ZNF536: variants seen among roughly 807,000 people sequenced by gnomAD.
ZNF536 encodes zinc finger protein 536.
A neutral mutation model predicts 84.5 loss-of-function variants in ZNF536; 13 were observed. That is an observed-to-expected ratio of 0.15 (90% confidence interval 0.10 to 0.24). The LOEUF (loss-of-function observed/expected upper bound fraction) is 0.24, where lower values mean the gene tolerates loss of function less well. ZNF536 is among the 10% of genes least tolerant of loss of function. The pLI is 1.00. For synonymous variants in ZNF536, 811 were observed against 742.5 expected, an observed-to-expected ratio of 1.09 and a Z score of -1.50; for missense variants, 1,536 against 1,747.5, an observed-to-expected ratio of 0.88 and a Z score of 2.16.
chr19:30,456,914 C>T (rs143121786), intron 2 of ZNF536, among the ~76,000 whole-genome samples: 64 of 151,940 alleles, frequency 4.2e-4, no homozygotes, highest in African/African-American at 6.3e-4. Flanking sequence ...TGGTGGTGGG[C>T]GCCTGTAATC....
At position 30,664,206 on chromosome 19, in the gene ZNF536, C is replaced by CTCTCTCTCTT. The variant is rs2050226895; in HGVS notation, c.170-46542_170-46541insTTCTCTCTCT. Among the ~76,000 whole-genome samples, 3 of 4,416 alleles carry CTCTCTCTCTT rather than the reference C, an allele frequency of 6.8e-4. No homozygotes were observed. In the South Asian group the frequency reaches 0.017, roughly 26 times the overall value. 2.9% of individuals were successfully genotyped at this position (4,416 alleles called of 152,430 possible). ...TCTAGAGGAATTCTTGCTGAGTTTT[C>CTCTCTCTCTT]TCTCTCTCTCTCTCTCTCTCTCTCT... On this transcript the variant is annotated intron_variant, in intron 1 of 1. Coordinates refer to the ZNF536 transcript ENST00000592773.
intron 1 of ZNF536, among the ~76,000 whole-genome samples, chr19:30,599,249 C>T (rs1370328079): frequency 1.0e-5 from 1 of 96,242 alleles, no homozygotes; most frequent in African/African-American, 4.3e-5. Context: ...CCTCCCCCAT[C>T]TCCTTTCCTC....
chr19:30,454,176 A>G (rs1174475325), intron 2 of ZNF536, among the ~76,000 whole-genome samples: 1 of 152,240 alleles, frequency 6.6e-6, no homozygotes, highest in Non-Finnish European at 1.5e-5. Context: ...CATTTCACGG[A>G]GAAATCAGTC....
intron 4 of ZNF536, among the ~76,000 whole-genome samples, 161 bp downstream of exon 4, chr19:30,549,675 C>T (rs147598592): frequency 1.8e-3 from 273 of 152,222 alleles, no homozygotes; most frequent in Non-Finnish European, 3.0e-3. Context: ...TCATAAAAGT[C>T]CATTTTGTTT....
intron 2 of ZNF536, among the ~76,000 whole-genome samples, chr19:30,347,332 C>T (rs1379703055): frequency 6.6e-6 from 1 of 152,156 alleles, no homozygotes; most frequent in African/African-American, 2.4e-5. Context: ...CACGAGGGTT[C>T]CTCTGGTCTA....
intron 2 of ZNF536, among the ~76,000 whole-genome samples, chr19:30,450,978 C>T (rs893812327): frequency 6.6e-6 from 1 of 152,244 alleles, no homozygotes; most frequent in African/African-American, 2.4e-5. Context: ...CGGTCTCTGC[C>T]GTGGAAGCGT....
At chr19:30,694,404 C>T (rs912687696) in intron 1 of ZNF536, among the ~76,000 whole-genome samples, 1 of 152,242 alleles carries the variant, frequency 6.6e-6, no homozygotes, top group African/African-American at 2.4e-5. Context: ...CTCACCCAGT[C>T]TCCCTGCCCC....
chr19:30,647,980 A>AG (rs1275753640), intron 1 of ZNF536, among the ~76,000 whole-genome samples: 1 of 152,190 alleles, frequency 6.6e-6, no homozygotes, highest in Non-Finnish European at 1.5e-5. Context: ...AGCTTCAGCC[A>AG]GGAAGCTTGC....
At chr19:30,616,191 C>T (rs1444259013) in intron 1 of ZNF536, among the ~76,000 whole-genome samples, 1 of 152,122 alleles carries the variant, frequency 6.6e-6, no homozygotes, top group Non-Finnish European at 1.5e-5. Context: ...TTTTCCATTG[C>T]AATGACTAAT....
intron 1 of ZNF536, among the ~76,000 whole-genome samples, chr19:30,587,091 C>G (rs145297590): frequency 1.3e-5 from 2 of 152,344 alleles, no homozygotes; most frequent in African/African-American, 4.8e-5. Context: ...TTAAGAGGAG[C>G]TATGATACCT....
chr19:30,596,912 C>A (rs145123498), intron 1 of ZNF536, among the ~76,000 whole-genome samples: 2 of 151,866 alleles, frequency 1.3e-5, no homozygotes, highest in African/African-American at 4.8e-5. Context: ...ACTGGACTAG[C>A]TTCTCTCTCC....
chr19:30,436,421 G>T, intron 1 of ZNF536: 1 of 835,726 alleles, frequency 1.2e-6, no homozygotes, highest in Non-Finnish European at 1.4e-6. Flanking sequence ...TAATGTTTGT[G>T]ATGTAATTTG....
At chr19:30,225,945 G>A (rs2022587153), upstream of ZNF536, among the ~76,000 whole-genome samples, 1 of 138,592 alleles carries the variant, frequency 7.2e-6, no homozygotes, top group Admixed American at 7.1e-5. Flanking sequence ...AGCGGGTGGG[G>A]GGTGGGGGGA....
At chr19:30,645,016 T>C (rs59841075) in intron 1 of ZNF536, among the ~76,000 whole-genome samples, 2,452 of 152,028 alleles carry the variant, frequency 0.016, 61 homozygotes, top group African/African-American at 0.057. Context: ...TCTCCATATC[T>C]TCTCCAGCAC....
intron 1 of ZNF536, among the ~76,000 whole-genome samples, chr19:30,410,315 A>G (rs576518894): frequency 1.2e-4 from 18 of 152,082 alleles, no homozygotes; most frequent in Admixed American, 9.2e-4. Flanking sequence ...CATATTCATA[A>G]TTTTCTATTA....
intron 1 of ZNF536, among the ~76,000 whole-genome samples, chr19:30,375,178 G>C (rs1272766234): frequency 1.3e-5 from 2 of 149,922 alleles, no homozygotes; most frequent in Non-Finnish European, 3.0e-5. Context: ...CGAGCCTCCC[G>C]CCGCCTGCGT....
chr19:30,250,518 G>T (rs557555592), intron 1 of ZNF536, among the ~76,000 whole-genome samples: 2 of 152,146 alleles, frequency 1.3e-5, no homozygotes, highest in Non-Finnish European at 2.9e-5. Flanking sequence ...GCTGAAGTCG[G>T]GTCTGCAAGG....
intron 1 of ZNF536, among the ~76,000 whole-genome samples, chr19:30,649,642 G>C (rs951796861): frequency 1.3e-5 from 2 of 150,740 alleles, no homozygotes; most frequent in African/African-American, 4.9e-5. Context: ...AAAAGACACA[G>C]GAACAGCCAG....
At chr19:30,432,909 G>A (rs543562163) in intron 1 of ZNF536, among the ~76,000 whole-genome samples, 2 of 152,154 alleles carry the variant, frequency 1.3e-5, no homozygotes, top group East Asian at 3.9e-4. Context: ...AGCCGTTGGC[G>A]TCTTTTTTAT....
Sources: allele counts gnomAD v4.1 joint callset (sites outside exome capture counted in the v4.1 genomes callset), GRCh38; gene constraint gnomAD v4.1.1; transcripts MANE v1.5; gene names NCBI Gene and HGNC (gene_info 2026-07-23, HGNC 2026-07-21).